KCNIP4: variants seen among roughly 807,000 people sequenced by gnomAD.
The protein encoded by KCNIP4 is Kv channel-interacting protein 4.
A neutral mutation model predicts 34.0 loss-of-function variants in KCNIP4; 12 were observed. The observed-to-expected ratio is 0.35, with a 90% CI of 0.23 to 0.57. KCNIP4 has a LOEUF of 0.57. Among genes scored for constraint, KCNIP4 ranks in the 20% least tolerant of loss-of-function variants. The pLI, the probability that KCNIP4 is intolerant of heterozygous loss-of-function variation, is 0.83. For missense variants in KCNIP4, 238 were observed against 311.7 expected (o/e 0.76, Z 1.78); for synonymous variants, 124 against 102.2 (o/e 1.21, Z -1.29).
intron 1 of KCNIP4, among the ~76,000 whole-genome samples, chr4:21,132,321 C>A (rs1272508735): frequency 6.6e-6 from 1 of 152,146 alleles, no homozygotes; most frequent in Admixed American, 6.5e-5. Context: ...AATACACCAC[C>A]CTATAAATCA....
chr4:20,771,581 G>A (rs144723263), intron 3 of KCNIP4, among the ~76,000 whole-genome samples: 56 of 152,232 alleles, frequency 3.7e-4, no homozygotes, highest in African/African-American at 1.3e-3. Context: ...TGGTGGGTGC[G>A]CATATGCAGG....
At chr4:21,946,935 C>T (rs1730542775) in intron 1 of KCNIP4, among the ~76,000 whole-genome samples, 2 of 152,140 alleles carry the variant, frequency 1.3e-5, no homozygotes, top group Admixed American at 1.3e-4. Flanking sequence ...TATGGCCACC[C>T]ATGACCCTGT....
At chr4:20,794,854 A>T (rs2149408441) in intron 3 of KCNIP4, among the ~76,000 whole-genome samples, 1 of 152,306 alleles carries the variant, frequency 6.6e-6, no homozygotes, top group Non-Finnish European at 1.5e-5. Context: ...TCTAAGTGGG[A>T]CATCTGAGTT....
At position 20,940,016 on chromosome 4, in the gene KCNIP4, C is replaced by T. The variant is rs112078498; in HGVS notation, c.62-57307G>A. ...ATACAAAAATGACTACGTCATTCCACTCCTAGACTTATTTCTTACAACTGC... is the reference window on the plus strand; with the variant it reads ...ATACAAAAATGACTACGTCATTCCATTCCTAGACTTATTTCTTACAACTGC... On this transcript the variant is annotated intron_variant, in intron 1 of 8. Coordinates refer to ENST00000382152, the MANE Select transcript of KCNIP4 (RefSeq NM_025221.6). Among the ~76,000 whole-genome samples, 683 of 152,314 alleles carry T rather than the reference C, an allele frequency of 4.5e-3. 7 individuals are homozygous for T. The highest frequency in any genetic ancestry group is 0.014 in the African/African-American group (596 of 41,572).
chr4:20,968,900 C>G (rs1444931291), intron 1 of KCNIP4, among the ~76,000 whole-genome samples: 1 of 152,032 alleles, frequency 6.6e-6, no homozygotes, highest in Non-Finnish European at 1.5e-5. Flanking sequence ...ACGTTGTACA[C>G]ATGTACCCTA....
At chr4:20,992,051 CTGAA>C (rs76621745) in intron 1 of KCNIP4, among the ~76,000 whole-genome samples, 139 of 152,294 alleles carry the variant, frequency 9.1e-4, no homozygotes, top group Non-Finnish European at 1.8e-3. Context: ...TGAAGAGAAA[CTGAA>C]TGAATATTTT....
chr4:21,941,573 C>T (rs1422996456), intron 1 of KCNIP4, among the ~76,000 whole-genome samples: 1 of 151,482 alleles, frequency 6.6e-6, no homozygotes, highest in Admixed American at 6.6e-5. Context: ...GGGGACATTT[C>T]CCTAAGCCAA....
At chr4:21,434,638 CA>C (rs1726788239) in intron 1 of KCNIP4, among the ~76,000 whole-genome samples, 1 of 152,048 alleles carries the variant, frequency 6.6e-6, no homozygotes, top group Non-Finnish European at 1.5e-5. Context: ...CTCACAGGAG[CA>C]TGAACCCTGT....
intron 1 of KCNIP4, among the ~76,000 whole-genome samples, chr4:21,752,194 A>G (rs974672566): frequency 1.3e-5 from 2 of 152,054 alleles, no homozygotes; most frequent in Non-Finnish European, 1.5e-5. Flanking sequence ...TGCATGGTCT[A>G]TTTGTCCATT....
At chr4:21,024,948 G>T (rs1342818332) in intron 1 of KCNIP4, among the ~76,000 whole-genome samples, 1 of 152,132 alleles carries the variant, frequency 6.6e-6, no homozygotes, top group Non-Finnish European at 1.5e-5. Context: ...AAAGGGAGAA[G>T]TGATCATCTT....
At chr4:21,655,291 T>A (rs79991505) in intron 1 of KCNIP4, among the ~76,000 whole-genome samples, 1,879 of 152,104 alleles carry the variant, frequency 0.012, 25 homozygotes, top group Non-Finnish European at 0.019. Context: ...TAATAGATAA[T>A]CTGCAATGCA....
intron 1 of KCNIP4, among the ~76,000 whole-genome samples, chr4:21,076,869 T>C (rs1745534740): frequency 6.6e-6 from 1 of 152,162 alleles, no homozygotes; most frequent in Non-Finnish European, 1.5e-5. Context: ...GTGCTTGTAA[T>C]CCCAGCAATT....
At chr4:21,219,715 G>C (rs1180052979) in intron 1 of KCNIP4, among the ~76,000 whole-genome samples, 2 of 152,070 alleles carry the variant, frequency 1.3e-5, no homozygotes, top group African/African-American at 4.8e-5. Context: ...CAGCAGGAAG[G>C]TTTCAAGTGG....
intron 1 of KCNIP4, among the ~76,000 whole-genome samples, chr4:21,018,123 C>T (rs908051544): frequency 1.3e-5 from 2 of 152,248 alleles, no homozygotes; most frequent in East Asian, 3.9e-4. Context: ...CTTGAATTAT[C>T]CTCCAGGGTC....
intron 1 of KCNIP4, among the ~76,000 whole-genome samples, chr4:21,457,247 CT>C (rs1204303308): frequency 6.6e-6 from 1 of 152,094 alleles, no homozygotes; most frequent in Non-Finnish European, 1.5e-5. Context: ...GGGACCGCCC[CT>C]AACAGCCTAG....
chr4:21,345,453 C>T (rs1310818218), intron 1 of KCNIP4, among the ~76,000 whole-genome samples: 1 of 152,100 alleles, frequency 6.6e-6, no homozygotes, highest in Non-Finnish European at 1.5e-5. Context: ...TGATTTGTTA[C>T]ATAGTAATGG....
At chr4:21,658,479 G>C (rs769163791) in intron 1 of KCNIP4, among the ~76,000 whole-genome samples, 7 of 152,006 alleles carry the variant, frequency 4.6e-5, no homozygotes, top group African/African-American at 1.5e-4. Context: ...GCAATGGCAC[G>C]ATCTCAGCTC....
chr4:20,879,493 C>A (rs1365642994), intron 2 of KCNIP4, among the ~76,000 whole-genome samples: 1 of 152,086 alleles, frequency 6.6e-6, no homozygotes, highest in Admixed American at 6.6e-5. Flanking sequence ...TTATTTAACA[C>A]AGTAGTTTGG....
intron 1 of KCNIP4, among the ~76,000 whole-genome samples, chr4:21,049,756 C>G (rs1019773517): frequency 1.3e-5 from 2 of 152,174 alleles, no homozygotes; most frequent in Admixed American, 1.3e-4. Flanking sequence ...TTCTCAGTGA[C>G]CCCTAGTCAT....
Sources: gnomAD v4.1 joint callset for allele counts (sites outside exome capture counted in the v4.1 genomes callset) on GRCh38, gnomAD v4.1.1 for gene constraint, MANE v1.5 for transcripts, NCBI Gene and HGNC (gene_info 2026-07-23, HGNC 2026-07-21) for gene names.